Variants in SLC25A17 observed in about 807,000 individuals in gnomAD.
The protein encoded by SLC25A17 is solute carrier family 25 member 17.
A neutral mutation model predicts 38.5 loss-of-function variants in SLC25A17; 26 were observed. That is an observed-to-expected ratio of 0.68 (90% CI 0.50 to 0.94). The LOEUF (loss-of-function observed/expected upper bound fraction) is 0.94, where lower values mean the gene tolerates loss of function less well. Among genes scored for constraint, SLC25A17 ranks in the 40% least tolerant of loss-of-function variants. SLC25A17 has a pLI of 0.00. For missense variants in SLC25A17, 333 were observed against 372.7 expected (o/e 0.89, Z 0.88); for synonymous variants, 139 against 136.2 (o/e 1.02, Z -0.14).
At chr22:40,784,610 CA>C in intron 4 of SLC25A17, 1 of 220,460 alleles carries the variant, frequency 4.5e-6, no homozygotes, top group East Asian at 1.5e-4. Context: ...CCCATCTGTA[CA>C]AAAAATAAAA....
At chr22:40,785,480 G>A (rs1201605145) in intron 4 of SLC25A17, among the ~76,000 whole-genome samples, 7 of 152,224 alleles carry the variant, frequency 4.6e-5, no homozygotes, top group Admixed American at 2.0e-4. Flanking sequence ...AGGCAAAGGA[G>A]TTATCCACAT....
intron 8 of SLC25A17, among the ~76,000 whole-genome samples, chr22:40,772,059 G>C (rs555511460): frequency 6.7e-6 from 1 of 149,986 alleles, no homozygotes; most frequent in Non-Finnish European, 1.5e-5. Context: ...TTGTATACAA[G>C]CTTTTGTGTA....
At chr22:40,774,381 G>A (rs1401226634) in intron 7 of SLC25A17, among the ~76,000 whole-genome samples, 4 of 151,986 alleles carry the variant, frequency 2.6e-5, no homozygotes, top group East Asian at 3.9e-4. Flanking sequence ...GTACCACCAC[G>A]CCCGGCTAAT....
chr22:40,781,991 G>A (rs2057298830), intron 4 of SLC25A17, among the ~76,000 whole-genome samples: 2 of 152,144 alleles, frequency 1.3e-5, no homozygotes, highest in African/African-American at 4.8e-5. Flanking sequence ...GGAGGCTGAG[G>A]CGGGTGGATC....
rs764306741 is a variant in SLC25A17 at position 40,799,063 on chromosome 22, T to A, written c.75A>T (p.Thr25=). ...AGAVGSVTAM[T]VFFPLDTARL... ...TAGCTGTATCCAGGGGAAAAAACACTGTCATTGCTGTCACGCTTCCCTGAA... is the reference window on the plus strand; with the variant it reads ...TAGCTGTATCCAGGGGAAAAAACACAGTCATTGCTGTCACGCTTCCCTGAA... Residue 25 remains threonine, a synonymous_variant, in exon 2 of 9, where the codon ACA becomes ACT. Transcript: ENST00000435456. The A allele has an allele frequency of 1.9e-6, 3 of 1,613,696 alleles. No individual in the cohort carries two copies. In the South Asian group the frequency reaches 3.3e-5, roughly 18 times the overall value.
intron 1 of SLC25A17, among the ~76,000 whole-genome samples, chr22:40,812,186 C>G (rs756371176): frequency 6.6e-6 from 1 of 152,054 alleles, no homozygotes; most frequent in Non-Finnish European, 1.5e-5. Context: ...TGAGCCACCA[C>G]GCCCAGCCTG....
intron 1 of SLC25A17, among the ~76,000 whole-genome samples, chr22:40,812,049 C>T (rs1429838787): frequency 6.6e-6 from 1 of 151,986 alleles, no homozygotes; most frequent in Non-Finnish European, 1.5e-5. Context: ...CTCTCTCTCT[C>T]TCTCTTTCTT....
In SLC25A17 at chr22:40,814,494, A is replaced by G. The variant is rs531529956; in HGVS notation, c.54+4701T>C. Among the ~76,000 whole-genome samples the G allele has an allele frequency of 6.6e-5, 10 of 152,084 alleles. No individual in the cohort carries two copies. In the East Asian group the frequency reaches 1.9e-3, roughly 29 times the overall value. On this transcript the variant is annotated intron_variant, in intron 1 of 8. Transcript: ENST00000435456. ...TTAGGTATACTATTATATATGATTT[A>G]CAATATTGACTGACTACCTAGTGAA...
intron 1 of SLC25A17, 123 bp downstream of exon 1, chr22:40,819,072 C>A: frequency 1.9e-6 from 2 of 1,047,512 alleles, no homozygotes; most frequent in South Asian, 1.4e-5. Context: ...GCCCCACAGT[C>A]ATGACAGTGG....
chr22:40,810,256 T>C (rs1000462336), intron 1 of SLC25A17, among the ~76,000 whole-genome samples: 2 of 152,230 alleles, frequency 1.3e-5, no homozygotes, highest in East Asian at 1.9e-4. Flanking sequence ...CATCTTCAGC[T>C]GTATCTAATA....
intron 1 of SLC25A17, among the ~76,000 whole-genome samples, chr22:40,800,935 C>A (rs2057475248): frequency 6.6e-6 from 1 of 151,516 alleles, no homozygotes; most frequent in Middle Eastern, 3.4e-3. Context: ...AATCCCCTCT[C>A]TACTAAAAAT....
chr22:40,799,071 C>T lies in SLC25A17; in HGVS notation c.67G>A (p.Ala23Thr). ...AVAGAVGSVT[A>T]MTVFFPLDTA... The stretch of plus-strand genomic sequence containing the variant: ...TCCAGGGGAAAAAACACTGTCATTG[C>T]TGTCACGCTTCCCTGAAAAGTTTGA... The change falls in exon 2 of 9, where the codon GCA becomes ACA. Residue 23 changes from alanine (A) to threonine (T), a missense_variant. Transcript: ENST00000435456. The T allele has an allele frequency of 6.2e-7, 1 of 1,613,438 alleles. No homozygotes were observed. The highest frequency in any genetic ancestry group is 8.5e-7 in the Non-Finnish European group (1 of 1,179,514).
At chr22:40,811,668 T>C (rs1030660613) in intron 1 of SLC25A17, among the ~76,000 whole-genome samples, 4 of 152,074 alleles carry the variant, frequency 2.6e-5, no homozygotes, top group African/African-American at 9.7e-5. Context: ...GTATGTCACA[T>C]GGTAAGAGAG....
chr22:40,776,223 G>A, intron 7 of SLC25A17: 1 of 441,300 alleles, frequency 2.3e-6, no homozygotes. Flanking sequence ...CTCCATAAGG[G>A]CAGGGATTAT....
At position 40,813,501 on chromosome 22, in the gene SLC25A17, G is replaced by A. The variant is rs113014804; in HGVS notation, c.54+5694C>T. Among the ~76,000 whole-genome samples the A allele has an allele frequency of 2.9e-3, 438 of 152,168 alleles. 2 individuals carry two copies. The highest frequency in any genetic ancestry group is 0.01 in the African/African-American group (418 of 41,502). On this transcript the variant is annotated intron_variant, in intron 1 of 8. Transcript: ENST00000435456. ...TGCAGTAAGCCGAGATCGTGCCACC[G>A]CACTCCAGCCTGGGTGACAGAGCGA...
intron 3 of SLC25A17, among the ~76,000 whole-genome samples, chr22:40,792,939 T>C (rs1351070109): frequency 1.3e-5 from 2 of 152,164 alleles, no homozygotes; most frequent in Non-Finnish European, 2.9e-5. Flanking sequence ...TTTAGTAACA[T>C]TGGTATATAA....
At chr22:40,802,378 C>T (rs910925040) in intron 1 of SLC25A17, among the ~76,000 whole-genome samples, 1 of 152,090 alleles carries the variant, frequency 6.6e-6, no homozygotes, top group Non-Finnish European at 1.5e-5. Flanking sequence ...GGCACGTTGG[C>T]TCAAGCCTGT....
intron 4 of SLC25A17, among the ~76,000 whole-genome samples, chr22:40,781,378 C>T (rs376653555): frequency 2.6e-5 from 4 of 151,970 alleles, no homozygotes; most frequent in Admixed American, 6.5e-5. Flanking sequence ...CCCGAGTAGC[C>T]AGGACTACAG....
rs1339113697 is a variant in SLC25A17, at chr22:40,789,799, C to T, written c.334+2726G>A. Among the ~76,000 whole-genome samples, 7 of 151,596 alleles carry T rather than the reference C, an allele frequency of 4.6e-5. No homozygotes were observed. The East Asian group carries it at 8.0e-4, about 17-fold the overall frequency. On this transcript the variant is annotated intron_variant, in intron 4 of 8. Coordinates refer to ENST00000435456, the MANE Select transcript of SLC25A17 (RefSeq NM_006358.4). This position sits in a 1 kb window ranked among gnomAD's most constrained non-coding sequence, Gnocchi z 4.5. Reference sequence around the variant, plus strand: ...CTGGGATTACAGGCGTGAGCCACCGCGCCTGGTCTAAAATTTATTTTTTAT... The same window carrying T: ...CTGGGATTACAGGCGTGAGCCACCGTGCCTGGTCTAAAATTTATTTTTTAT...
Sources: allele counts gnomAD v4.1 joint callset (sites outside exome capture counted in the v4.1 genomes callset), GRCh38; gene constraint gnomAD v4.1.1; non-coding constraint Gnocchi (gnomAD v3.1); transcripts MANE v1.5; gene names NCBI Gene and HGNC (gene_info 2026-07-23, HGNC 2026-07-21).